The following MORF4L1 variants were observed in gnomAD, a reference collection of about 807,000 sequenced individuals.
MORF4L1 encodes mortality factor 4-like protein 1.
Under a neutral mutation model 52.9 loss-of-function variants are expected in MORF4L1, and 4 were observed. That is an observed-to-expected ratio of 0.08 (90% CI 0.04 to 0.17). The LOEUF is 0.17. Among genes scored for constraint, MORF4L1 ranks in the 10% least tolerant of loss-of-function variants. MORF4L1 has a pLI of 1.00. For missense variants in MORF4L1, 214 were observed against 390.4 expected, an observed-to-expected ratio of 0.55 and a Z score of 3.81; for synonymous variants, 123 against 134.8, an observed-to-expected ratio of 0.91 and a Z score of 0.61.
intron 5 of MORF4L1, among the ~76,000 whole-genome samples, chr15:78,890,216 TAAAGC>T (rs1216615072): frequency 4.0e-5 from 6 of 150,786 alleles, no homozygotes; most frequent in Non-Finnish European, 8.8e-5. Flanking sequence ...AATAAATAAA[TAAAGC>T]AAAATTAGCA....
chr15:78,886,772 G>A (rs1354933206), intron 4 of MORF4L1, among the ~76,000 whole-genome samples: 3 of 152,070 alleles, frequency 2.0e-5, no homozygotes, highest in African/African-American at 4.8e-5. Flanking sequence ...TGGCTAACAC[G>A]GTGAAACCCC....
intron 5 of MORF4L1, among the ~76,000 whole-genome samples, chr15:78,888,414 G>A (rs1351084060): frequency 6.6e-6 from 1 of 151,598 alleles, no homozygotes; most frequent in Non-Finnish European, 1.5e-5. Context: ...CTGCACTTTA[G>A]TCTTGGCGAC....
intron 1 of MORF4L1, among the ~76,000 whole-genome samples, chr15:78,873,424 G>T (rs2056409645): frequency 6.6e-6 from 1 of 151,916 alleles, no homozygotes; most frequent in Admixed American, 6.5e-5. Context: ...GGCGGGGGGG[G>T]AGGGGCGGTG....
At chr15:78,896,310 T>C (rs1023547970) in intron 11 of MORF4L1, among the ~76,000 whole-genome samples, 7 of 25,986 alleles carry the variant, frequency 2.7e-4, no homozygotes, top group Non-Finnish European at 4.5e-4. Context: ...TTTCTTTTCT[T>C]TTTTTTTTTT....
chr15:78,885,787 G>A (rs1407940930), intron 3 of MORF4L1, among the ~76,000 whole-genome samples: 1 of 152,126 alleles, frequency 6.6e-6, no homozygotes, highest in African/African-American at 2.4e-5. Flanking sequence ...AAATAACTGA[G>A]TTTTTGACTC....
At chr15:78,876,327 C>A (rs1173128251) in intron 1 of MORF4L1, among the ~76,000 whole-genome samples, 2 of 150,992 alleles carry the variant, frequency 1.3e-5, no homozygotes, top group Non-Finnish European at 2.9e-5. Context: ...TTGATAATGG[C>A]GTGCAATATA....
chr15:78,888,215 CTTTG>C (rs933102309), intron 5 of MORF4L1, among the ~76,000 whole-genome samples: 7 of 152,234 alleles, frequency 4.6e-5, no homozygotes, highest in South Asian at 4.1e-4. Flanking sequence ...AATCCCCCTA[CTTTG>C]TTTGGGAGGC....
intron 5 of MORF4L1, 137 bp downstream of exon 5, chr15:78,887,486 G>A (rs1002085467): frequency 1.2e-5 from 8 of 671,342 alleles, no homozygotes; most frequent in Non-Finnish European, 2.0e-5. Context: ...TCAGGTATCA[G>A]GTCGTTAAAG....
At chr15:78,877,835 G>A (rs1476661012) in intron 1 of MORF4L1, 1 of 164,204 alleles carries the variant, frequency 6.1e-6, no homozygotes, top group Admixed American at 6.4e-5. Context: ...GAGAGTAAAG[G>A]TCCTCAACTT....
intron 1 of MORF4L1, among the ~76,000 whole-genome samples, chr15:78,874,277 A>G (rs59312571): frequency 3.9e-5 from 6 of 152,178 alleles, no homozygotes; most frequent in Admixed American, 2.6e-4. Flanking sequence ...GACTTGCATT[A>G]GAATTCCTTT....
At chr15:78,883,950 A>C (rs567989379) in intron 3 of MORF4L1, among the ~76,000 whole-genome samples, 1 of 152,302 alleles carries the variant, frequency 6.6e-6, no homozygotes, top group South Asian at 2.1e-4. Flanking sequence ...TCACACCTGT[A>C]ATCCCAGCAC....
rs1726557739 is a variant in MORF4L1 at position 78,897,636 on chromosome 15, G to GATAGACGCAATGCATTGTGTAGCT, written c.*571_*594dup. 1 of 152,706 alleles carries GATAGACGCAATGCATTGTGTAGCT rather than the reference G, an allele frequency of 6.5e-6. No individual in the cohort carries two copies. Among genetic ancestry groups the GATAGACGCAATGCATTGTGTAGCT allele is most frequent in the Non-Finnish European group, 1.5e-5 (1 of 68,108 alleles). The allele number at this position is 152,706 out of a possible 1,614,324, so 9.5% of individuals were successfully genotyped here. A position where few individuals can be genotyped will look rare whatever the true frequency, so the allele number is the denominator to read the frequency against. On this transcript the variant is annotated 3_prime_UTR_variant, in exon 12 of 12. Coordinates refer to ENST00000426013, the MANE Select transcript of MORF4L1 (RefSeq NM_006791.4). ...TTGTGTCTAATGCACGTTTTAACAT[G>GATAGACGCAATGCATTGTGTAGCT]ATAGACGCAATGCATTGTGTAGCTA...
intron 4 of MORF4L1, among the ~76,000 whole-genome samples, chr15:78,886,726 C>T (rs767360413): frequency 2.4e-4 from 36 of 152,204 alleles, no homozygotes; most frequent in Admixed American, 5.9e-4. Context: ...GAGGCCAAGG[C>T]GGGTGGATCA....
intron 3 of MORF4L1, among the ~76,000 whole-genome samples, chr15:78,882,006 T>A (rs919209972): frequency 4.6e-4 from 70 of 152,322 alleles, no homozygotes; most frequent in African/African-American, 1.6e-3. Context: ...TATTTCTTTG[T>A]TAGGAAGTTG....
At chr15:78,889,824 A>G (rs1032682151) in intron 5 of MORF4L1, among the ~76,000 whole-genome samples, 2 of 152,222 alleles carry the variant, frequency 1.3e-5, no homozygotes, top group African/African-American at 4.8e-5. Context: ...ATTTAAAGCT[A>G]CAGAAAAGTA....
chr15:78,885,303 G>C (rs2056681598), intron 3 of MORF4L1, among the ~76,000 whole-genome samples: 1 of 152,140 alleles, frequency 6.6e-6, no homozygotes, highest in Non-Finnish European at 1.5e-5. Flanking sequence ...CTCAAAAAAA[G>C]TTAGCATTCC....
At chr15:78,879,762 A>G (rs1045860242) in intron 2 of MORF4L1, among the ~76,000 whole-genome samples, 1 of 147,976 alleles carries the variant, frequency 6.8e-6, no homozygotes, top group Non-Finnish European at 1.5e-5. Context: ...AGATAGCAAG[A>G]CTGTCTCTAC....
intron 1 of MORF4L1, chr15:78,873,286 G>A: frequency 1.5e-6 from 2 of 1,369,798 alleles, no homozygotes; most frequent in Non-Finnish European, 1.9e-6. Context: ...GGGAGAGAGA[G>A]CGTTTGGCGC....
chr15:78,885,553 CTT>C (rs2056687287), intron 3 of MORF4L1, among the ~76,000 whole-genome samples: 1 of 152,190 alleles, frequency 6.6e-6, no homozygotes, highest in African/African-American at 2.4e-5. Flanking sequence ...ACTTTACAAA[CTT>C]AAGTTAGTCT....
Sources: gnomAD v4.1 joint callset for allele counts (sites outside exome capture counted in the v4.1 genomes callset) on GRCh38, gnomAD v4.1.1 for gene constraint, MANE v1.5 for transcripts, NCBI Gene and HGNC (gene_info 2026-07-23, HGNC 2026-07-21) for gene names.